Variants in GPC6 observed in about 807,000 individuals in gnomAD.
GPC6 encodes the protein glypican 6.
In GPC6, 14 loss-of-function variants were observed where a neutral mutation model predicts 55.2. The observed-to-expected ratio is 0.25, with a 90% CI of 0.17 to 0.40. The LOEUF (loss-of-function observed/expected upper bound fraction) is 0.40, where lower values mean the gene tolerates loss of function less well. GPC6 is among the 10% of genes least tolerant of loss of function. The pLI is 1.00. For synonymous variants in GPC6, 278 were observed against 259.6 expected, an observed-to-expected ratio of 1.07 and a Z score of -0.68; for missense variants, 641 against 708.5, an observed-to-expected ratio of 0.90 and a Z score of 1.08.
chr13:94,186,399 C>T (rs1051726293), intron 4 of GPC6, among the ~76,000 whole-genome samples: 12 of 152,174 alleles, frequency 7.9e-5, no homozygotes, highest in South Asian at 2.1e-4. Flanking sequence ...CTTTAAATTT[C>T]GTATCATTGT....
intron 1 of GPC6, among the ~76,000 whole-genome samples, chr13:93,474,518 C>A (rs566032924): frequency 1.3e-5 from 2 of 152,214 alleles, no homozygotes; most frequent in South Asian, 4.2e-4. Flanking sequence ...TGTAACTGTG[C>A]CAGCACCCAG....
chr13:93,471,391 G>A (rs1048038353), intron 1 of GPC6, among the ~76,000 whole-genome samples: 27 of 151,194 alleles, frequency 1.8e-4, no homozygotes, highest in African/African-American at 5.3e-4. Context: ...TTAGCCAGGC[G>A]TGGTGGCGGG....
At chr13:94,138,997 C>T (rs486619) in intron 4 of GPC6, among the ~76,000 whole-genome samples, 70,510 of 151,698 alleles carry the variant, frequency 0.46, 16,906 homozygotes, top group Middle Eastern at 0.58. Context: ...GGCGCCTGTC[C>T]CATTTAGGGA....
rs1230857277 is a variant in GPC6, at chr13:93,393,127, T to TATATATAG, written c.161-152135_161-152134insTATATAGA. ...TATTTGATATATATATATATATATA[T>TATATATAG]AGAGAGAGAGAGAGAGAGAGAGAGA... On this transcript the variant is annotated intron_variant, in intron 1 of 8. Transcript: ENST00000377047. 7.4e-3 allele frequency among the ~76,000 whole-genome samples: 650 copies of TATATATAG among 87,570 alleles called. 7 individuals are homozygous for TATATATAG. Among genetic ancestry groups the TATATATAG allele is most frequent in the East Asian group, 0.036 (108 of 3,020 alleles). 57.4% of individuals were successfully genotyped at this position (87,570 alleles called of 152,430 possible).
At chr13:93,864,807 A>T (rs1888911119) in intron 3 of GPC6, among the ~76,000 whole-genome samples, 2 of 151,680 alleles carry the variant, frequency 1.3e-5, no homozygotes, top group South Asian at 4.1e-4. Flanking sequence ...GGCTGACCCA[A>T]ATGTAGAACT....
chr13:93,397,918 A>G (rs910348563), intron 1 of GPC6, among the ~76,000 whole-genome samples: 1 of 152,160 alleles, frequency 6.6e-6, no homozygotes, highest in African/African-American at 2.4e-5. Context: ...AGCATTCCTA[A>G]CACTGTAAGA....
chr13:93,449,799 G>C (rs538266897), intron 1 of GPC6, among the ~76,000 whole-genome samples: 1 of 150,486 alleles, frequency 6.6e-6, no homozygotes, highest in South Asian at 2.1e-4. Context: ...CTGCACTCCA[G>C]CCTGGGCAAT....
chr13:93,982,571 T>G (rs1880855728), intron 3 of GPC6, among the ~76,000 whole-genome samples: 1 of 152,196 alleles, frequency 6.6e-6, no homozygotes, highest in Non-Finnish European at 1.5e-5. Context: ...AGAATCAATC[T>G]TGTTCGAATT....
At chr13:94,006,566 TA>T (rs923963289) in intron 3 of GPC6, among the ~76,000 whole-genome samples, 1 of 152,172 alleles carries the variant, frequency 6.6e-6, no homozygotes, top group African/African-American at 2.4e-5. Flanking sequence ...ATTAATAAAG[TA>T]AAAACCAGGA....
chr13:93,399,538 C>T (rs969662054), intron 1 of GPC6, among the ~76,000 whole-genome samples: 5 of 152,184 alleles, frequency 3.3e-5, no homozygotes, highest in Admixed American at 2.0e-4. Context: ...ATATTTCCTA[C>T]GCATACACGA....
intron 4 of GPC6, among the ~76,000 whole-genome samples, chr13:94,259,675 TTGGTACCTGGCAA>T (rs1319686315): frequency 6.6e-6 from 1 of 152,178 alleles, no homozygotes; most frequent in African/African-American, 2.4e-5. Context: ...CCCCTTCCTT[TTGGTACCTGGCAA>T]TGGCCACTCT....
At chr13:93,353,534 C>G (rs1411734733) in intron 1 of GPC6, among the ~76,000 whole-genome samples, 1 of 152,174 alleles carries the variant, frequency 6.6e-6, no homozygotes, top group Non-Finnish European at 1.5e-5. Flanking sequence ...CTCTTTAATG[C>G]AGTGTCTCAA....
At chr13:93,797,057 A>G in intron 2 of GPC6, among the ~76,000 whole-genome samples, 1 of 152,268 alleles carries the variant, frequency 6.6e-6, no homozygotes, top group East Asian at 1.9e-4. Flanking sequence ...TCTTAAGTGA[A>G]AAGTAGCCTA....
chr13:93,231,360 CGTATATAT>C (rs1236064575), intron 1 of GPC6, among the ~76,000 whole-genome samples: 4 of 14,944 alleles, frequency 2.7e-4, no homozygotes, highest in African/African-American at 9.8e-4. Flanking sequence ...TATATATATA[CGTATATAT>C]ATATATATAT....
chr13:93,588,294 A>G (rs1190958710), intron 2 of GPC6, among the ~76,000 whole-genome samples: 1 of 152,230 alleles, frequency 6.6e-6, no homozygotes, highest in Non-Finnish European at 1.5e-5. Flanking sequence ...CCATCTCCAA[A>G]TAAAATTTGA....
At chr13:93,673,600 A>G (rs1881462900) in intron 2 of GPC6, among the ~76,000 whole-genome samples, 1 of 152,100 alleles carries the variant, frequency 6.6e-6, no homozygotes, top group Non-Finnish European at 1.5e-5. Context: ...GATCACCTAA[A>G]GTCCTTTGCA....
At chr13:93,395,527 T>C in intron 1 of GPC6, 2 of 177,488 alleles carry the variant, frequency 1.1e-5, no homozygotes, top group Non-Finnish European at 2.4e-5. Context: ...CAGTGTTTTC[T>C]TTGATGCCAC....
At chr13:94,061,605 T>C (rs1884325834) in intron 4 of GPC6, among the ~76,000 whole-genome samples, 1 of 151,846 alleles carries the variant, frequency 6.6e-6, no homozygotes, top group Non-Finnish European at 1.5e-5. Flanking sequence ...AATGCAAGGC[T>C]GAAATTCCTC....
chr13:93,599,306 C>G (rs1047887582), intron 2 of GPC6, among the ~76,000 whole-genome samples: 1 of 148,510 alleles, frequency 6.7e-6, no homozygotes, highest in Non-Finnish European at 1.5e-5. Context: ...AAAAAAGAGA[C>G]ATCAGAATCT....
Sources: gnomAD v4.1 joint callset for allele counts (sites outside exome capture counted in the v4.1 genomes callset) on GRCh38, gnomAD v4.1.1 for gene constraint, MANE v1.5 for transcripts, NCBI Gene and HGNC (gene_info 2026-07-23, HGNC 2026-07-21) for gene names.